The following TMEM156 variants were observed in gnomAD, a reference collection of about 807,000 sequenced individuals.
TMEM156 encodes transmembrane protein 156.
TMEM156 carries 28 observed loss-of-function variants against 30.5 expected under a neutral mutation model. The ratio of observed to expected loss-of-function variants is 0.92; its 90% CI spans 0.68 to 1.26. The LOEUF (loss-of-function observed/expected upper bound fraction) is 1.26. Among genes scored for constraint, TMEM156 ranks in the 50% most tolerant of loss-of-function variants. TMEM156 has a pLI of 0.00. For missense variants in TMEM156, 351 were observed against 340.6 expected, an observed-to-expected ratio of 1.03 and a Z score of -0.24; for synonymous variants, 137 against 119.9, an observed-to-expected ratio of 1.14 and a Z score of -0.93.
chr4:38,992,977 G>T, intron 3 of TMEM156, among the ~76,000 whole-genome samples: 1 of 150,544 alleles, frequency 6.6e-6, no homozygotes. Context: ...TAGCCAGGAT[G>T]GTCTCGAACT....
rs536943344 is a variant in TMEM156, at chr4:38,988,421, A to G, written c.739+430T>C. On this transcript the variant is annotated intron_variant, in intron 4 of 6. Transcript: ENST00000381938. The stretch of plus-strand genomic sequence containing the variant: ...GTATTTTTAGTAGAGACGGGCTTTC[A>G]CCATGTTGGCCAGGCTGGTCTGCTG... Among the ~76,000 whole-genome samples, 388 of 123,500 alleles carry G rather than the reference A, an allele frequency of 3.1e-3. 1 individual carries two copies. The highest frequency in any genetic ancestry group is 4.0e-3 in the Non-Finnish European group (221 of 55,170). 81.0% of individuals were successfully genotyped at this position (123,500 alleles called of 152,430 possible).
At chr4:38,978,625 A>G (rs188837036) in intron 5 of TMEM156, among the ~76,000 whole-genome samples, 9 of 152,314 alleles carry the variant, frequency 5.9e-5, no homozygotes, top group Non-Finnish European at 1.5e-5. Context: ...ATTTTAATCT[A>G]TAAAATCAGC....
chr4:39,027,551 C>CTTTT (rs71192813), intron 1 of TMEM156, among the ~76,000 whole-genome samples: 12 of 79,014 alleles, frequency 1.5e-4, no homozygotes, highest in Admixed American at 1.6e-4. Context: ...TATACTATTC[C>CTTTT]TTTTTTTTTT....
rs931987100 is a variant in TMEM156, at chr4:38,968,166, C to T, written c.*39-525G>A. Reference sequence around the variant, plus strand: ...GCCTAGGACCAAGGAAACCTAGAGTCTCCACTAACCTCTGCTGCTACAGCA... The same window carrying T: ...GCCTAGGACCAAGGAAACCTAGAGTTTCCACTAACCTCTGCTGCTACAGCA... On this transcript the variant is annotated intron_variant, in intron 6 of 6. Transcript: ENST00000381938. Among the ~76,000 whole-genome samples, 5 of 152,324 alleles carry T rather than the reference C, an allele frequency of 3.3e-5. No individual in the cohort carries two copies. In the South Asian group the frequency reaches 6.2e-4, roughly 19 times the overall value.
chr4:38,984,633 C>T (rs1156261280), intron 5 of TMEM156, among the ~76,000 whole-genome samples: 2 of 152,044 alleles, frequency 1.3e-5, no homozygotes, highest in Non-Finnish European at 2.9e-5. Flanking sequence ...TCAAGGGAGA[C>T]ATGATTTCCT....
At chr4:39,030,773 C>T (rs1715463613) in intron 1 of TMEM156, among the ~76,000 whole-genome samples, 1 of 152,084 alleles carries the variant, frequency 6.6e-6, no homozygotes, top group South Asian at 2.1e-4. Context: ...ATAGAACCTA[C>T]TCCGGATAAC....
chr4:39,031,712 T>C (rs1169346462), intron 1 of TMEM156, among the ~76,000 whole-genome samples: 1 of 151,556 alleles, frequency 6.6e-6, no homozygotes, highest in Non-Finnish European at 1.5e-5. Flanking sequence ...GGTGAAACCG[T>C]GTCTCTACTA....
chr4:39,010,575 G>A (rs996486444), intron 1 of TMEM156, among the ~76,000 whole-genome samples: 2 of 152,210 alleles, frequency 1.3e-5, no homozygotes, highest in South Asian at 2.1e-4. Flanking sequence ...TAGACACATA[G>A]ACTAATGCAA....
At chr4:39,018,416 ATTG>A (rs1455446526) in intron 1 of TMEM156, among the ~76,000 whole-genome samples, 4 of 152,092 alleles carry the variant, frequency 2.6e-5, no homozygotes, top group Non-Finnish European at 5.9e-5. Flanking sequence ...CATGTTTATA[ATTG>A]TTGTTGAGGT....
chr4:39,027,302 G>A (rs1715256981), intron 1 of TMEM156, among the ~76,000 whole-genome samples: 1 of 152,026 alleles, frequency 6.6e-6, no homozygotes, highest in African/African-American at 2.4e-5. Flanking sequence ...TTGATGTGGT[G>A]GTCATTATAA....
chr4:39,011,721 C>T (rs142592339), intron 1 of TMEM156, among the ~76,000 whole-genome samples: 8 of 151,844 alleles, frequency 5.3e-5, no homozygotes, highest in Admixed American at 3.9e-4. Context: ...TGCAGTGAGC[C>T]GACATCACAT....
Position 38,999,119 on chromosome 4 carries a change from T to TTA in TMEM156, c.89-211_89-210insTA, listed in dbSNP as rs1553880020. ...TTATTTTTATTTATTTATTTTTTTT[T>TTA]TTTTTTTTTTTTTTTGAGACTGGAT... On this transcript the variant is annotated intron_variant, in intron 1 of 6. Coordinates refer to ENST00000381938, the MANE Select transcript of TMEM156 (RefSeq NM_024943.3). Among the ~76,000 whole-genome samples the TTA allele has an allele frequency of 2.1e-3, 258 of 124,652 alleles. 2 individuals carry two copies. The highest frequency in any genetic ancestry group is 9.1e-3 in the South Asian group (34 of 3,756). 81.8% of individuals were successfully genotyped at this position (124,652 alleles called of 152,430 possible).
In TMEM156 at chr4:38,993,748, C is replaced by G; in HGVS notation, c.609G>C (p.Met203Ile). Residue 203 changes from methionine (M) to isoleucine (I), a missense_variant, in exon 3 of 7, where the codon ATG (methionine) becomes ATC (isoleucine). Physicochemically the swap from Met to Ile is conservative, Grantham distance 10. Transcript: ENST00000381938. ...DCIHISLHLE[M>I]DIKNITCSMK... ...TCCTTAAAAACTTACTTTTTATATCCATCTCTAGGTGCAAAGAAATGTGTA... is the reference window on the plus strand; with the variant it reads ...TCCTTAAAAACTTACTTTTTATATCGATCTCTAGGTGCAAAGAAATGTGTA... 1 of 1,611,760 alleles carries G rather than the reference C, an allele frequency of 6.2e-7. No individual in the cohort carries two copies. Among genetic ancestry groups the G allele is most frequent in the South Asian group, 1.1e-5 (1 of 90,964 alleles).
intron 2 of TMEM156, among the ~76,000 whole-genome samples, chr4:38,997,138 G>A (rs1170919910): frequency 6.6e-6 from 1 of 152,238 alleles, no homozygotes; most frequent in Non-Finnish European, 1.5e-5. Flanking sequence ...GAGAAGATCT[G>A]TGAGCTACCA....
intron 1 of TMEM156, among the ~76,000 whole-genome samples, chr4:39,020,553 AT>A (rs538799850): frequency 1.3e-3 from 198 of 151,480 alleles, no homozygotes; most frequent in African/African-American, 4.5e-3. Context: ...CTTATTTTGA[AT>A]TTTTTTTATT....
At chr4:39,006,622 T>C (rs1323192919) in intron 1 of TMEM156, among the ~76,000 whole-genome samples, 1 of 152,056 alleles carries the variant, frequency 6.6e-6, no homozygotes, top group Non-Finnish European at 1.5e-5. Context: ...TTTCATTTCT[T>C]AATATACGGA....
At chr4:39,023,556 G>C (rs1715004373) in intron 1 of TMEM156, among the ~76,000 whole-genome samples, 1 of 152,120 alleles carries the variant, frequency 6.6e-6, no homozygotes, top group South Asian at 2.1e-4. Flanking sequence ...AAAGAACCCA[G>C]ACCAGGCCAG....
chr4:38,975,360 TTTTTTTCTTTTC>T (rs1326757034), intron 5 of TMEM156, among the ~76,000 whole-genome samples: 16 of 150,238 alleles, frequency 1.1e-4, no homozygotes, highest in African/African-American at 3.9e-4. Context: ...AGTCTGTGAT[TTTTTTTCTTTTC>T]TTTTTTCTTT....
At chr4:38,984,267 G>A (rs1385876300) in intron 5 of TMEM156, among the ~76,000 whole-genome samples, 1 of 151,766 alleles carries the variant, frequency 6.6e-6, no homozygotes, top group Admixed American at 6.6e-5. Flanking sequence ...TTTCTCTCTT[G>A]TAGGATGAAT....
Sources: allele counts gnomAD v4.1 joint callset (sites outside exome capture counted in the v4.1 genomes callset), GRCh38; gene constraint gnomAD v4.1.1; transcripts MANE v1.5; gene names NCBI Gene and HGNC (gene_info 2026-07-23, HGNC 2026-07-21).